Variants in SMAP2 observed in about 807,000 individuals in gnomAD.
SMAP2 encodes stromal membrane-associated protein 2.
A neutral mutation model predicts 56.4 loss-of-function variants in SMAP2; 25 were observed. The ratio of observed to expected loss-of-function variants is 0.44; its 90% CI spans 0.32 to 0.62. The LOEUF is 0.62. Among genes scored for constraint, SMAP2 ranks in the 20% least tolerant of loss-of-function variants. The pLI, the probability that SMAP2 is intolerant of heterozygous loss-of-function variation, is 0.04. For missense variants in SMAP2, 388 were observed against 545.6 expected, an observed-to-expected ratio of 0.71 and a Z score of 2.88; for synonymous variants, 157 against 181.7, an observed-to-expected ratio of 0.86 and a Z score of 1.09.
chr1:40,346,694 A>G (rs184029928), intron 1 of SMAP2, among the ~76,000 whole-genome samples: 1 of 145,582 alleles, frequency 6.9e-6, no homozygotes, highest in Admixed American at 7.1e-5. Context: ...TTAAAAAATC[A>G]TTTAATATAT....
Position 40,416,874 on chromosome 1 carries a change from G to A in SMAP2, c.942G>A (p.Met314Ile), listed in dbSNP as rs761644703. 2.5e-6 allele frequency: 4 copies of A among 1,614,212 alleles called. No individual in the cohort carries two copies. The highest frequency in any genetic ancestry group is 3.3e-5 in the Admixed American group (2 of 60,028). ...CTAACAGCATAATGGGGAGCATGAT[G>A]CCTCCACCAGTAGGCATGGTTGCTC... Reference protein sequence around the residue: ...TPPNSIMGSMMPPPVGMVAQP... With the variant: ...TPPNSIMGSMIPPPVGMVAQP... The change falls in exon 9 of 10, where the codon ATG (methionine) becomes ATA (isoleucine). Residue 314 changes from methionine to isoleucine, a missense_variant. Coordinates refer to ENST00000372718, the MANE Select transcript of SMAP2 (RefSeq NM_022733.3).
At chr1:40,411,784 C>A (rs562709333) in intron 4 of SMAP2, among the ~76,000 whole-genome samples, 2 of 152,006 alleles carry the variant, frequency 1.3e-5, no homozygotes, top group East Asian at 3.9e-4. Context: ...AAGACATACA[C>A]TTTGTATGAG....
intron 1 of SMAP2, among the ~76,000 whole-genome samples, chr1:40,354,663 T>A (rs116148910): frequency 0.071 from 10,820 of 151,902 alleles, 474 homozygotes; most frequent in Middle Eastern, 0.15. Flanking sequence ...GGTTAGTTAA[T>A]TTTTTTTAAA....
At chr1:40,395,520 A>AAATAAT (rs148086726) in intron 1 of SMAP2, among the ~76,000 whole-genome samples, 19 of 151,440 alleles carry the variant, frequency 1.3e-4, no homozygotes, top group East Asian at 5.8e-4. Flanking sequence ...CACCTCTACA[A>AAATAAT]AATAATAATA....
rs901664442 is a variant in SMAP2 at position 40,403,084 on chromosome 1, G to A, written c.104-3652G>A. 2.0e-5 allele frequency among the ~76,000 whole-genome samples: 3 copies of A among 152,174 alleles called. No individual in the cohort carries two copies. In the South Asian group the frequency reaches 6.2e-4, roughly 32 times the overall value. On this transcript the variant is annotated intron_variant, in intron 1 of 9. Coordinates refer to ENST00000372718, the MANE Select transcript of SMAP2 (RefSeq NM_022733.3). ...AAGAAATATTTTAAGAGAAATAAAGGAAGCTGCTTAAATTTTCATGTTGCC... is the reference window on the plus strand; with the variant it reads ...AAGAAATATTTTAAGAGAAATAAAGAAAGCTGCTTAAATTTTCATGTTGCC...
chr1:40,422,068 A>G lies in SMAP2; in HGVS notation c.1257A>G (p.Ala419=). The change falls in exon 10 of 10, where the codon GCA becomes GCG. Residue 419 remains alanine (A), a synonymous_variant. Transcript: ENST00000372718. The part of the protein sequence containing the change: ...QSMSGGNGQA[A]NQTLSPQMWK ...TGAGTGGCGGAAATGGACAGGCAGCAAATCAGACTCTCAGTCCTCAGATGT... is the reference window on the plus strand; with the variant it reads ...TGAGTGGCGGAAATGGACAGGCAGCGAATCAGACTCTCAGTCCTCAGATGT... 6.2e-7 allele frequency: 1 copy of G among 1,614,164 alleles called. No homozygotes were observed. The highest frequency in any genetic ancestry group is 8.5e-7 in the Non-Finnish European group (1 of 1,180,032).
chr1:40,409,336 G>C (rs1644913870), intron 3 of SMAP2, among the ~76,000 whole-genome samples: 1 of 152,076 alleles, frequency 6.6e-6, no homozygotes, highest in Non-Finnish European at 1.5e-5. Flanking sequence ...TTGGGGCCTT[G>C]CAGAAGACCC....
chr1:40,395,663 T>C (rs1360667893), intron 1 of SMAP2, among the ~76,000 whole-genome samples: 1 of 152,236 alleles, frequency 6.6e-6, no homozygotes, highest in Non-Finnish European at 1.5e-5. Context: ...GGTTAAGGTA[T>C]ATTGACTTGT....
At chr1:40,347,245 GT>G (rs1264286252) in intron 1 of SMAP2, among the ~76,000 whole-genome samples, 12 of 47,388 alleles carry the variant, frequency 2.5e-4, no homozygotes, top group South Asian at 1.2e-3. Flanking sequence ...TGTGTGTTTT[GT>G]TTTTGTTTTT....
In SMAP2 at chr1:40,416,853, C is replaced by T. The variant is rs760827058; in HGVS notation, c.921C>T (p.Asn307=). ...GCTTCCCCGGGGTTACACCTCCTAA[C>T]AGCATAATGGGGAGCATGATGCCTC... ...YPSFPGVTPP[N]SIMGSMMPPP... The change falls in exon 9 of 10, where the codon AAC becomes AAT. Residue 307 remains asparagine (N), a synonymous_variant. Coordinates refer to ENST00000372718, the MANE Select transcript of SMAP2 (RefSeq NM_022733.3). 1 of 1,614,164 alleles carries T rather than the reference C, an allele frequency of 6.2e-7. No individual in the cohort carries two copies. Among genetic ancestry groups the T allele is most frequent in the Non-Finnish European group, 8.5e-7 (1 of 1,179,994 alleles).
intron 9 of SMAP2, among the ~76,000 whole-genome samples, chr1:40,418,780 A>G (rs913322718): frequency 6.6e-6 from 1 of 152,258 alleles, no homozygotes; most frequent in Non-Finnish European, 1.5e-5. Flanking sequence ...AGTGTATGCA[A>G]GACACAACAA....
chr1:40,381,408 G>A (rs1167663343), intron 1 of SMAP2, among the ~76,000 whole-genome samples: 3 of 152,152 alleles, frequency 2.0e-5, no homozygotes, highest in Admixed American at 6.5e-5. Context: ...AGTCTTCCTC[G>A]GGAAGTCATG....
At chr1:40,360,704 G>A (rs1450011800) in intron 1 of SMAP2, among the ~76,000 whole-genome samples, 1 of 152,222 alleles carries the variant, frequency 6.6e-6, no homozygotes, top group Non-Finnish European at 1.5e-5. Flanking sequence ...GGAGAGCACA[G>A]TGATTGTGGG....
chr1:40,380,582 T>A (rs554172310), intron 1 of SMAP2, among the ~76,000 whole-genome samples: 6 of 147,418 alleles, frequency 4.1e-5, no homozygotes, highest in Non-Finnish European at 7.4e-5. Flanking sequence ...CAGGCTGGAG[T>A]GCAGTGGTGT....
intron 1 of SMAP2, among the ~76,000 whole-genome samples, chr1:40,351,333 A>G (rs1644408133): frequency 6.6e-6 from 1 of 152,172 alleles, no homozygotes; most frequent in Non-Finnish European, 1.5e-5. Context: ...CACAGATTGC[A>G]CAAGAAACGC....
At chr1:40,377,130 T>TA (rs1463998369) in intron 1 of SMAP2, among the ~76,000 whole-genome samples, 1 of 151,834 alleles carries the variant, frequency 6.6e-6, no homozygotes, top group Admixed American at 6.6e-5. Context: ...TACAAATAGT[T>TA]AAAAAATTAG....
chr1:40,382,091 C>CT (rs535364673), intron 1 of SMAP2, among the ~76,000 whole-genome samples: 10 of 151,974 alleles, frequency 6.6e-5, no homozygotes, highest in African/African-American at 1.2e-4. Context: ...TTCAGCAAAT[C>CT]TTTTTTTTCT....
At chr1:40,405,985 T>TTAA (rs1644882362) in intron 1 of SMAP2, among the ~76,000 whole-genome samples, 1 of 152,238 alleles carries the variant, frequency 6.6e-6, no homozygotes, top group South Asian at 2.1e-4. Flanking sequence ...GAAAAGATCC[T>TTAA]ATTAAGTTAA....
rs141038203 is a variant in SMAP2 at position 40,346,935 on chromosome 1, G to A, written c.-83+2025G>A. Among the ~76,000 whole-genome samples, 12 of 151,160 alleles carry A rather than the reference G, an allele frequency of 7.9e-5. No homozygotes were observed. In the East Asian group the frequency reaches 2.4e-3, roughly 30 times the overall value. ...CACAATCATAGCTCACTGCAGCCTGGGACACCTGGGCTCAAGTGATCCTCC... is the reference window on the plus strand; with the variant it reads ...CACAATCATAGCTCACTGCAGCCTGAGACACCTGGGCTCAAGTGATCCTCC... On this transcript the variant is annotated intron_variant, in intron 1 of 6. Coordinates refer to the SMAP2 transcript ENST00000435168.
Sources: gnomAD v4.1 joint callset for allele counts (sites outside exome capture counted in the v4.1 genomes callset) on GRCh38, gnomAD v4.1.1 for gene constraint, MANE v1.5 for transcripts, NCBI Gene and HGNC (gene_info 2026-07-23, HGNC 2026-07-21) for gene names.